The following CTNNA2 variants were observed in gnomAD, a reference collection of about 807,000 sequenced individuals.
CTNNA2 encodes the protein catenin alpha-2.
In CTNNA2, 42 loss-of-function variants were observed where a neutral mutation model predicts 101.0. The observed-to-expected ratio is 0.42, with a 90% CI of 0.32 to 0.54. The LOEUF is 0.54. Ranked by LOEUF, CTNNA2 falls within the 20% of genes least tolerant of loss-of-function variation. The probability of loss-of-function intolerance (pLI) is 0.14; values close to 1 mark genes in which losing one functional copy is unlikely to be tolerated. For synonymous variants in CTNNA2, 450 were observed against 456.4 expected (o/e 0.99, Z 0.18); for missense variants, 871 against 1,223.1 (o/e 0.71, Z 4.29).
intron 7 of CTNNA2, among the ~76,000 whole-genome samples, chr2:79,955,677 A>G (rs943603080): frequency 1.3e-5 from 2 of 152,026 alleles, no homozygotes; most frequent in Non-Finnish European, 2.9e-5. Context: ...ATGCCCAGCT[A>G]ATTTTTTTTT....
intron 7 of CTNNA2, among the ~76,000 whole-genome samples, chr2:80,079,554 C>A (rs1047686187): frequency 1.3e-5 from 2 of 152,172 alleles, no homozygotes; most frequent in Admixed American, 6.5e-5. Context: ...GTGGCTCACG[C>A]CCGCAGTCCC....
intron 7 of CTNNA2, among the ~76,000 whole-genome samples, chr2:79,964,676 G>GTAAA (rs1689906473): frequency 6.6e-6 from 1 of 152,136 alleles, no homozygotes; most frequent in South Asian, 2.1e-4. Context: ...CAAGTTCTGG[G>GTAAA]TAAATGTGCT....
At chr2:79,876,452 ATTAT>A (rs577827817) in intron 6 of CTNNA2, among the ~76,000 whole-genome samples, 91 of 152,302 alleles carry the variant, frequency 6.0e-4, no homozygotes, top group Admixed American at 2.6e-4. Flanking sequence ...TTAAGAATGG[ATTAT>A]TTAGTCAGAT....
chr2:79,197,453 C>A (rs1234186576), intron 1 of CTNNA2, among the ~76,000 whole-genome samples: 1 of 152,208 alleles, frequency 6.6e-6, no homozygotes, highest in Non-Finnish European at 1.5e-5. Flanking sequence ...CCTAACTTCT[C>A]TGGGCCAATT....
chr2:80,227,958 C>T (rs780925552), intron 7 of CTNNA2, among the ~76,000 whole-genome samples: 10 of 149,108 alleles, frequency 6.7e-5, no homozygotes, highest in Admixed American at 5.3e-4. Flanking sequence ...GGGAAGTTGC[C>T]CAGGCAGCAT....
At chr2:80,043,797 G>T (rs62141403) in intron 7 of CTNNA2, among the ~76,000 whole-genome samples, 1 of 152,124 alleles carries the variant, frequency 6.6e-6, no homozygotes, top group African/African-American at 2.4e-5. Flanking sequence ...ACAAGTCTTC[G>T]CAATGTATCC....
At chr2:80,353,549 T>C (rs937156928) in intron 7 of CTNNA2, among the ~76,000 whole-genome samples, 2 of 152,172 alleles carry the variant, frequency 1.3e-5, no homozygotes, top group African/African-American at 4.8e-5. Flanking sequence ...TATCCCTTAA[T>C]TGAGGCTCTT....
At chr2:80,164,820 A>G (rs1184015656) in intron 7 of CTNNA2, among the ~76,000 whole-genome samples, 1 of 151,970 alleles carries the variant, frequency 6.6e-6, no homozygotes, top group East Asian at 1.9e-4. Context: ...CATTGGATGT[A>G]GAATTATGGT....
At position 79,541,427 on chromosome 2, in the gene CTNNA2, CATATATATATAT is replaced by C. The variant is rs9284785; in HGVS notation, c.-6+28240_-6+28251del. On this transcript the variant is annotated intron_variant, in intron 1 of 18. Transcript: ENST00000402739. The stretch of plus-strand genomic sequence containing the variant: ...ATACACATACACACACGCACACACA[CATATATATATAT>C]ATATATATATATATATATACACTCA... Among the ~76,000 whole-genome samples the C allele has an allele frequency of 3.5e-3, 498 of 142,800 alleles. 3 individuals carry two copies. The highest frequency in any genetic ancestry group is 0.011 in the Middle Eastern group (3 of 276). The allele number at this position is 142,800 out of a possible 152,430, so 93.7% of individuals were successfully genotyped here.
chr2:80,419,742 G>C, intron 9 of CTNNA2, 141 bp downstream of exon 9: 1 of 830,788 alleles, frequency 1.2e-6, no homozygotes, highest in Non-Finnish European at 1.8e-6. Flanking sequence ...TTTACTTTCT[G>C]ATTACTGTAC....
At chr2:79,245,827 C>T (rs917397386) in intron 2 of CTNNA2, among the ~76,000 whole-genome samples, 3 of 152,150 alleles carry the variant, frequency 2.0e-5, no homozygotes, top group East Asian at 3.9e-4. Context: ...CAGGTGCAAA[C>T]CCTGGTCTTG....
At chr2:79,694,307 A>C (rs1270122374) in intron 2 of CTNNA2, among the ~76,000 whole-genome samples, 2 of 152,150 alleles carry the variant, frequency 1.3e-5, no homozygotes, top group Admixed American at 6.6e-5. Context: ...AGTAAATAAA[A>C]AATGTATTAT....
intron 7 of CTNNA2, among the ~76,000 whole-genome samples, chr2:80,337,500 T>C (rs1281930652): frequency 7.9e-6 from 1 of 127,100 alleles, no homozygotes. Flanking sequence ...CTATGGAAAC[T>C]AATCAGAAAA....
At chr2:80,182,841 G>C (rs913581941) in intron 7 of CTNNA2, among the ~76,000 whole-genome samples, 1 of 152,116 alleles carries the variant, frequency 6.6e-6, no homozygotes, top group Non-Finnish European at 1.5e-5. Flanking sequence ...CTGTGTCAGA[G>C]AAAATGAGAA....
intron 4 of CTNNA2, among the ~76,000 whole-genome samples, chr2:79,862,725 T>C (rs1681715582): frequency 6.6e-6 from 1 of 152,210 alleles, no homozygotes; most frequent in Admixed American, 6.5e-5. Context: ...GGCTCCTGCC[T>C]TCAAAACCTT....
chr2:80,623,321 C>T (rs1309043927), intron 18 of CTNNA2, among the ~76,000 whole-genome samples: 2 of 151,912 alleles, frequency 1.3e-5, no homozygotes, highest in East Asian at 3.9e-4. Context: ...TTTTAAAAGA[C>T]ATATTGTGAC....
chr2:79,735,270 G>C (rs1670792437), intron 2 of CTNNA2, among the ~76,000 whole-genome samples: 1 of 152,044 alleles, frequency 6.6e-6, no homozygotes, highest in Admixed American at 6.6e-5. Context: ...TATTCTCTAG[G>C]GAAAATTGAG....
intron 9 of CTNNA2, among the ~76,000 whole-genome samples, chr2:80,462,749 G>A (rs1273297560): frequency 6.7e-6 from 1 of 149,574 alleles, no homozygotes; most frequent in East Asian, 2.0e-4. Context: ...CTAGGACATG[G>A]TTTGCAAGCA....
chr2:79,843,775 C>T (rs1679997739), intron 3 of CTNNA2, among the ~76,000 whole-genome samples: 1 of 152,164 alleles, frequency 6.6e-6, no homozygotes, highest in South Asian at 2.1e-4. Flanking sequence ...CTCGTACTTA[C>T]CACGATGAAA....
Sources: gnomAD v4.1 joint callset for allele counts (sites outside exome capture counted in the v4.1 genomes callset) on GRCh38, gnomAD v4.1.1 for gene constraint, MANE v1.5 for transcripts, NCBI Gene and HGNC (gene_info 2026-07-23, HGNC 2026-07-21) for gene names.